The following TRPA1 variants were observed in gnomAD, a reference collection of about 807,000 sequenced individuals.
TRPA1 encodes transient receptor potential cation channel subfamily A member 1.
Under a neutral mutation model 131.3 loss-of-function variants are expected in TRPA1, and 129 were observed. The ratio of observed to expected loss-of-function variants is 0.98; its 90% CI spans 0.85 to 1.14. TRPA1 has a LOEUF of 1.14. Among genes scored for constraint, TRPA1 ranks in the 50% most tolerant of loss-of-function variants. TRPA1 has a pLI of 0.00. For synonymous variants in TRPA1, 441 were observed against 451.7 expected, an observed-to-expected ratio of 0.98 and a Z score of 0.30; for missense variants, 1,304 against 1,354.2, an observed-to-expected ratio of 0.96 and a Z score of 0.58.
rs1332720030 is a variant in TRPA1, at chr8:72,063,550, A to G, written c.574T>C (p.Cys192Arg). ...AAACATCCCCATTTATTTGATTTAC[A>G]TGGCTTAGCTCCTTTTTTAAGCTGG... is the stretch of plus-strand genomic sequence containing the variant. ...QILLKKGAKP[C>R]KSNKWGCFPI... Residue 192 changes from cysteine (C) to arginine (R), a missense_variant, in exon 5 of 27, where the codon TGT (cysteine) becomes CGT (arginine). Physicochemically the swap from Cys to Arg is radical, Grantham distance 180. Coordinates refer to ENST00000262209, the MANE Select transcript of TRPA1 (RefSeq NM_007332.3). 6.2e-7 allele frequency: 1 copy of G among 1,613,498 alleles called. No individual in the cohort carries two copies. Among genetic ancestry groups the G allele is most frequent in the Non-Finnish European group, 8.5e-7 (1 of 1,179,566 alleles).
rs756973067 is a variant in TRPA1, at chr8:72,061,753, C to T, written c.816G>A (p.Arg272=). 1.2e-6 allele frequency: 2 copies of T among 1,613,872 alleles called. No individual in the cohort carries two copies. The highest frequency in any genetic ancestry group is 1.7e-5 in the Admixed American group (1 of 59,976). Residue 272 remains arginine (R), a synonymous_variant, in exon 7 of 27, where the codon AGG becomes AGA. Transcript: ENST00000262209. ...GAQIDPVEKG[R]CTAIHFAATQ... ...TGGCAGCAAAATGAATGGCTGTGCACCTTCCCTTCTGTAAAGGGTTTTAAT... is the reference window on the plus strand; with the variant it reads ...TGGCAGCAAAATGAATGGCTGTGCATCTTCCCTTCTGTAAAGGGTTTTAAT...
intron 25 of TRPA1, among the ~76,000 whole-genome samples, chr8:72,025,477 C>T (rs534121770): frequency 1.4e-4 from 22 of 152,168 alleles, no homozygotes; most frequent in Admixed American, 3.9e-4. Context: ...TACCCAGTCT[C>T]GGGCAGTTCT....
In TRPA1 at chr8:72,052,715, C is replaced by T. The variant is rs148317110; in HGVS notation, c.1695G>A (p.Ala565=). The T allele has an allele frequency of 3.3e-5, 54 of 1,613,754 alleles. No homozygotes were observed. In the African/African-American group the frequency reaches 5.2e-4, roughly 16 times the overall value. Residue 565 remains alanine (A), a synonymous_variant, in exon 14 of 27, where the codon GCG becomes GCA. Coordinates refer to ENST00000262209, the MANE Select transcript of TRPA1 (RefSeq NM_007332.3). ...TGTCAGCATTGTGGCTCAGAAGAAG[C>T]GCAACGGCTTTGGCGTGGCCTTCCC... is the stretch of plus-strand genomic sequence containing the variant. The part of the protein sequence containing the change: ...AAREGHAKAV[A]LLLSHNADIV...
At position 72,022,790 on chromosome 8, in the gene TRPA1, G is replaced by T; in HGVS notation, c.*116C>A. 2.1e-6 allele frequency: 2 copies of T among 967,226 alleles called. No homozygotes were observed. Among genetic ancestry groups the T allele is most frequent in the East Asian group, 5.1e-5 (2 of 39,118 alleles). 59.9% of individuals were successfully genotyped at this position (967,226 alleles called of 1,614,324 possible). A position where few individuals can be genotyped will look rare whatever the true frequency, so the allele number is the denominator to read the frequency against. On this transcript the variant is annotated 3_prime_UTR_variant, in exon 27 of 27. Transcript: ENST00000262209. ...CTTTTATACAGCATGCAGGAACCAT[G>T]ATTTCACACGCAGCAAAATGAATCA...
chr8:72,052,660 A>G lies in TRPA1; in HGVS notation c.1750T>C (p.Leu584=), dbSNP rs774954624. 1 of 1,613,762 alleles carries G rather than the reference A, an allele frequency of 6.2e-7. No individual in the cohort carries two copies. Among genetic ancestry groups the G allele is most frequent in the Admixed American group, 1.7e-5 (1 of 59,970 alleles). ...IVLNKQQASF[L]HLALHNKRKE... is the part of the protein sequence containing the mutation. ...CTCTTATTGTGAAGTGCAAGGTGCAAAAAGGAGGCCTGCTGCTTGTTCAGG... is the reference window on the plus strand; with the variant it reads ...CTCTTATTGTGAAGTGCAAGGTGCAGAAAGGAGGCCTGCTGCTTGTTCAGG... Residue 584 remains leucine, a synonymous_variant, in exon 14 of 27, where the codon TTG becomes CTG. Coordinates refer to ENST00000262209, the MANE Select transcript of TRPA1 (RefSeq NM_007332.3).
At chr8:72,038,530 A>T (rs1454533651) in intron 19 of TRPA1, among the ~76,000 whole-genome samples, 1 of 152,038 alleles carries the variant, frequency 6.6e-6, no homozygotes, top group Non-Finnish European at 1.5e-5. Flanking sequence ...TCCATAAAGC[A>T]TCTCTCCCCA....
Position 72,023,023 on chromosome 8 carries a change from A to C in TRPA1, c.3243T>G (p.Asp1081Glu), listed in dbSNP as rs535633249. The part of the protein sequence containing the change: ...KMEIISETED[D>E]DSHCSFQDRF... ...TGTCTTGAAAAGAACAATGGCTATC[A>C]TCATCCTCTGTCTCAGAGATGATCT... Residue 1081 changes from aspartate to glutamate, a missense_variant, in exon 27 of 27, where the codon GAT becomes GAG. Coordinates refer to ENST00000262209, the MANE Select transcript of TRPA1 (RefSeq NM_007332.3). 20 of 1,613,756 alleles carry C rather than the reference A, an allele frequency of 1.2e-5. No individual in the cohort carries two copies. Among genetic ancestry groups the C allele is most frequent in the Non-Finnish European group, 1.5e-5 (18 of 1,179,870 alleles).
At chr8:72,041,071 T>C (rs1812235129) in intron 17 of TRPA1, 1 of 152,008 alleles carries the variant, frequency 6.6e-6, no homozygotes, top group South Asian at 2.1e-4. Context: ...AACAGCCATA[T>C]TTACATCAGA....
chr8:72,059,096 T>G (rs1805743989), intron 8 of TRPA1, among the ~76,000 whole-genome samples: 1 of 152,192 alleles, frequency 6.6e-6, no homozygotes, highest in Non-Finnish European at 1.5e-5. Context: ...AAGACCCTCT[T>G]ACAGGCCATG....
chr8:72,087,298 C>T, the TRPA1 span, among the ~76,000 whole-genome samples: 1 of 152,148 alleles, frequency 6.6e-6, no homozygotes, highest in South Asian at 2.1e-4. Flanking sequence ...GCCAGCTTTA[C>T]CCAAATTGAA....
At chr8:72,040,052 T>C (rs1225664331) in intron 17 of TRPA1, among the ~76,000 whole-genome samples, 2 of 152,176 alleles carry the variant, frequency 1.3e-5, no homozygotes, top group Non-Finnish European at 2.9e-5. Flanking sequence ...GCATAAGCTT[T>C]TTAATCTTAT....
chr8:72,056,804 A>C, intron 10 of TRPA1, 113 bp downstream of exon 10: 1 of 778,192 alleles, frequency 1.3e-6, no homozygotes, highest in Middle Eastern at 3.7e-4. Context: ...ATTTTAAAAC[A>C]TTTTTAAAAT....
In TRPA1 at chr8:72,033,750, G is replaced by T; in HGVS notation, c.2762C>A (p.Ser921Tyr). ...MMLGDINYRE[S>Y]FLEPYLRNEL... The stretch of plus-strand genomic sequence containing the variant: ...ATTTCTCAGATATGGTTCTAGGAAG[G>T]ACTCTCGATAATTGATATCTCCTAG... Residue 921 changes from serine to tyrosine, a missense_variant, in exon 23 of 27, where the codon TCC becomes TAC. Physicochemically the swap from Ser to Tyr is moderately radical, Grantham distance 144. Coordinates refer to ENST00000262209, the MANE Select transcript of TRPA1 (RefSeq NM_007332.3). 1 of 1,613,966 alleles carries T rather than the reference G, an allele frequency of 6.2e-7. No individual in the cohort carries two copies. Among genetic ancestry groups the T allele is most frequent in the Non-Finnish European group, 8.5e-7 (1 of 1,179,874 alleles).
intron 16 of TRPA1, 47 bp from the exon 17 acceptor site, chr8:72,046,655 T>A: frequency 1.0e-6 from 1 of 965,758 alleles, no homozygotes; most frequent in African/African-American, 1.6e-5. Flanking sequence ...GTTAGTCAAG[T>A]ATAGAATCCC....
chr8:72,067,349 AT>A (rs1334953900), intron 3 of TRPA1, among the ~76,000 whole-genome samples: 1 of 152,066 alleles, frequency 6.6e-6, no homozygotes, highest in Non-Finnish European at 1.5e-5. Flanking sequence ...GTCTGAAAAT[AT>A]TTTTACACAT....
intron 13 of TRPA1, chr8:72,053,057 G>A: frequency 2.8e-6 from 1 of 351,338 alleles, no homozygotes; most frequent in Admixed American, 4.2e-5. Context: ...GAATTCCAAG[G>A]CATTTGTTTT....
chr8:72,064,782 A>G (rs1805891417), intron 4 of TRPA1, among the ~76,000 whole-genome samples: 1 of 151,728 alleles, frequency 6.6e-6, no homozygotes, highest in Non-Finnish European at 1.5e-5. Context: ...AAAAAAGTCT[A>G]TTTGCCGGCA....
chr8:72,071,323 A>T, intron 2 of TRPA1, among the ~76,000 whole-genome samples: 1 of 152,326 alleles, frequency 6.6e-6, no homozygotes, highest in East Asian at 1.9e-4. Flanking sequence ...CAAGGCTGGC[A>T]TCTGGAAAAC....
intron 3 of TRPA1, among the ~76,000 whole-genome samples, chr8:72,067,141 A>G (rs1805950500): frequency 6.6e-6 from 1 of 152,168 alleles, no homozygotes; most frequent in South Asian, 2.1e-4. Flanking sequence ...TAGGCAGCAG[A>G]GGAAGGTTTG....
Sources: allele counts gnomAD v4.1 joint callset (sites outside exome capture counted in the v4.1 genomes callset), GRCh38; gene constraint gnomAD v4.1.1; transcripts MANE v1.5; gene names NCBI Gene and HGNC (gene_info 2026-07-23, HGNC 2026-07-21).